Variants in FAM91A1 observed in about 807,000 individuals in gnomAD.
FAM91A1 encodes the protein protein FAM91A1.
FAM91A1 carries 41 observed loss-of-function variants against 113.5 expected under a neutral mutation model. The ratio of observed to expected loss-of-function variants is 0.36; its 90% CI spans 0.28 to 0.47. The LOEUF (loss-of-function observed/expected upper bound fraction) is 0.47. Among genes scored for constraint, FAM91A1 ranks in the 20% least tolerant of loss-of-function variants. FAM91A1 has a pLI of 1.00. For missense variants in FAM91A1, 696 were observed against 1,001.2 expected, an observed-to-expected ratio of 0.70 and a Z score of 4.11; for synonymous variants, 307 against 347.9, an observed-to-expected ratio of 0.88 and a Z score of 1.31.
chr8:123,810,497 G>A, intron 23 of FAM91A1, 146 bp downstream of exon 23: 1 of 835,536 alleles, frequency 1.2e-6, no homozygotes, highest in South Asian at 1.5e-5. Flanking sequence ...TGAGATTCAA[G>A]AAGTTAATGG....
At chr8:123,803,352 C>G (rs1815732844) in intron 18 of FAM91A1, among the ~76,000 whole-genome samples, 1 of 152,048 alleles carries the variant, frequency 6.6e-6, no homozygotes, top group Non-Finnish European at 1.5e-5. Flanking sequence ...CTCTGTCACC[C>G]AGGCTGAAGT....
At chr8:123,804,475 A>C (rs908164169) in intron 18 of FAM91A1, among the ~76,000 whole-genome samples, 1 of 138,198 alleles carries the variant, frequency 7.2e-6, no homozygotes, top group African/African-American at 2.6e-5. Flanking sequence ...TGAGTAACAG[A>C]GCAAGACTCT....
chr8:123,797,017 C>T (rs532236048), intron 15 of FAM91A1, among the ~76,000 whole-genome samples: 38 of 151,700 alleles, frequency 2.5e-4, no homozygotes, highest in Admixed American at 6.6e-4. Context: ...GCCGAGATGG[C>T]GCCACTGCAC....
chr8:123,796,093 T>C (rs1815512811), intron 15 of FAM91A1, among the ~76,000 whole-genome samples: 1 of 152,186 alleles, frequency 6.6e-6, no homozygotes, highest in Non-Finnish European at 1.5e-5. Flanking sequence ...AGAACCCGCA[T>C]GTGTTCAACA....
chr8:123,810,534 T>C (rs1263568882), intron 23 of FAM91A1, 183 bp downstream of exon 23: 1 of 686,304 alleles, frequency 1.5e-6, no homozygotes, highest in Non-Finnish European at 2.6e-6. Flanking sequence ...CGCCAGGTCT[T>C]CGGAGACCAA....
chr8:123,786,073 C>G, intron 11 of FAM91A1: 1 of 342,226 alleles, frequency 2.9e-6, no homozygotes, highest in Non-Finnish European at 5.7e-6. Context: ...CCCACCTTGG[C>G]CTTCCAAAGT....
intron 8 of FAM91A1, among the ~76,000 whole-genome samples, chr8:123,782,407 T>TA (rs1371366430): frequency 6.6e-6 from 1 of 152,214 alleles, no homozygotes; most frequent in African/African-American, 2.4e-5. Context: ...GCATTTCAGA[T>TA]ACGTTTCAAC....
In FAM91A1 at chr8:123,787,333, C is replaced by G; in HGVS notation, c.1151C>G (p.Ser384Cys). Residue 384 changes from serine (S) to cysteine (C), a missense_variant, in exon 13 of 24, where the codon TCC becomes TGC. By Grantham distance (112) the Ser-to-Cys change is moderately radical. Transcript: ENST00000334705. ...HTKRIAFLFD[S>C]TLTAFLMMGN... Reference sequence around the variant, plus strand: ...AAGCGCATCGCATTCCTGTTTGACTCCACTCTTACTGCCTTCTTAATGATG... The same window carrying G: ...AAGCGCATCGCATTCCTGTTTGACTGCACTCTTACTGCCTTCTTAATGATG... The G allele has an allele frequency of 6.2e-7, 1 of 1,611,762 alleles. No individual in the cohort carries two copies. Among genetic ancestry groups the G allele is most frequent in the Non-Finnish European group, 8.5e-7 (1 of 1,179,676 alleles).
intron 8 of FAM91A1, among the ~76,000 whole-genome samples, chr8:123,783,460 A>C (rs767029434): frequency 8.5e-5 from 13 of 152,218 alleles, no homozygotes; most frequent in Non-Finnish European, 1.8e-4. Context: ...TAAATTAGAA[A>C]ATGACATGAG....
chr8:123,804,366 C>T (rs1295457941), intron 18 of FAM91A1, among the ~76,000 whole-genome samples: 1 of 151,614 alleles, frequency 6.6e-6, no homozygotes, highest in Non-Finnish European at 1.5e-5. Flanking sequence ...TGGCGGGCGC[C>T]TGTAATCTCA....
chr8:123,806,021 G>A, intron 19 of FAM91A1, 59 bp from the exon 20 acceptor site: 1 of 1,425,260 alleles, frequency 7.0e-7, no homozygotes, highest in South Asian at 1.7e-5. Flanking sequence ...GTATGTTTAA[G>A]CTGTTGGCGT....
chr8:123,778,129 A>G (rs761461759), intron 5 of FAM91A1, 37 bp downstream of exon 5: 2 of 1,499,994 alleles, frequency 1.3e-6, no homozygotes, highest in Non-Finnish European at 1.8e-6. Context: ...TTTTGGCCTC[A>G]TCACACAGTT....
chr8:123,768,625 C>T lies in FAM91A1; in HGVS notation c.-78C>T. On this transcript the variant is annotated 5_prime_UTR_variant, in exon 1 of 24. Coordinates refer to ENST00000334705, the MANE Select transcript of FAM91A1 (RefSeq NM_144963.4). ...GGGGCCTCCCGCGTCGCTCCGCTGA[C>T]AGGCTGCGGGCGGGCAGGCGGGAGG... 2 of 1,322,924 alleles carry T rather than the reference C, an allele frequency of 1.5e-6. No individual in the cohort carries two copies. The highest frequency in any genetic ancestry group is 2.1e-6 in the Non-Finnish European group (2 of 970,632). 81.9% of individuals were successfully genotyped at this position (1,322,924 alleles called of 1,614,324 possible). A position where few individuals can be genotyped will look rare whatever the true frequency, so the allele number is the denominator to read the frequency against.
intron 15 of FAM91A1, among the ~76,000 whole-genome samples, chr8:123,796,078 C>T (rs1403630434): frequency 6.6e-6 from 1 of 152,148 alleles, no homozygotes; most frequent in Non-Finnish European, 1.5e-5. Flanking sequence ...CTGGTTAACC[C>T]ACGCAGAACC....
intron 11 of FAM91A1, 96 bp from the exon 12 acceptor site, chr8:123,786,399 T>C: frequency 1.1e-6 from 1 of 916,442 alleles, no homozygotes; most frequent in Non-Finnish European, 1.7e-6. Context: ...TGAATTTTGA[T>C]GGATTGTTCA....
chr8:123,771,677 G>A (rs528944444), intron 1 of FAM91A1, among the ~76,000 whole-genome samples: 2 of 152,146 alleles, frequency 1.3e-5, no homozygotes, highest in African/African-American at 4.8e-5. Flanking sequence ...TATTTTGAGG[G>A]AAATCTTATG....
intron 5 of FAM91A1, 120 bp from the exon 6 acceptor site, chr8:123,778,539 A>G (rs934068564): frequency 1.5e-6 from 1 of 659,748 alleles, no homozygotes; most frequent in Non-Finnish European, 2.6e-6. Context: ...AGATTTTAAA[A>G]CATGAAGATT....
intron 23 of FAM91A1, 40 bp downstream of exon 23, chr8:123,810,391 G>C: frequency 6.4e-7 from 1 of 1,555,426 alleles, no homozygotes; most frequent in Admixed American, 1.7e-5. Flanking sequence ...CTTGTACTGA[G>C]CTTTAAGTAT....
chr8:123,801,882 T>C (rs1345492878), intron 18 of FAM91A1, among the ~76,000 whole-genome samples: 4 of 151,828 alleles, frequency 2.6e-5, no homozygotes, highest in Non-Finnish European at 4.4e-5. Context: ...GTCCAGTTAG[T>C]GTTTGTGGAA....
Sources: gnomAD v4.1 joint callset for allele counts (sites outside exome capture counted in the v4.1 genomes callset) on GRCh38, gnomAD v4.1.1 for gene constraint, MANE v1.5 for transcripts, NCBI Gene and HGNC (gene_info 2026-07-23, HGNC 2026-07-21) for gene names.